The following KCNK2 variants were observed in gnomAD, a reference collection of about 807,000 sequenced individuals.
KCNK2 encodes potassium two pore domain channel subfamily K member 2.
A neutral mutation model predicts 40.5 loss-of-function variants in KCNK2; 21 were observed. The ratio of observed to expected loss-of-function variants is 0.52; its 90% CI spans 0.37 to 0.75. KCNK2 has a LOEUF of 0.75. KCNK2 is among the 30% of genes least tolerant of loss of function. The pLI is 0.00. For missense variants in KCNK2, 399 were observed against 531.6 expected, an observed-to-expected ratio of 0.75 and a Z score of 2.45; for synonymous variants, 191 against 202.2, an observed-to-expected ratio of 0.94 and a Z score of 0.47.
intron 1 of KCNK2, among the ~76,000 whole-genome samples, chr1:215,051,584 C>T (rs1376464388): frequency 6.6e-6 from 1 of 152,186 alleles, no homozygotes; most frequent in Non-Finnish European, 1.5e-5. Flanking sequence ...GATGACAGCC[C>T]TTATGACAAG....
chr1:215,070,449 GTT>G (rs1244877296), intron 1 of KCNK2, among the ~76,000 whole-genome samples: 2 of 148,254 alleles, frequency 1.3e-5, no homozygotes, highest in African/African-American at 2.5e-5. Context: ...AAGGAAAGAG[GTT>G]TAATGTTTAA....
intron 2 of KCNK2, among the ~76,000 whole-genome samples, chr1:215,097,494 T>A (rs1660030052): frequency 1.0e-5 from 1 of 100,086 alleles, no homozygotes; most frequent in African/African-American, 2.8e-5. Flanking sequence ...TGAATGTTAA[T>A]AAAGAAAAAT....
chr1:215,127,867 C>T (rs1026136290), intron 3 of KCNK2, among the ~76,000 whole-genome samples: 2 of 152,146 alleles, frequency 1.3e-5, no homozygotes, highest in East Asian at 1.9e-4. Flanking sequence ...CATATTGATA[C>T]CTGTGAGGCT....
intron 1 of KCNK2, among the ~76,000 whole-genome samples, chr1:215,062,605 G>A (rs1042232802): frequency 6.6e-6 from 1 of 150,996 alleles, no homozygotes; most frequent in Non-Finnish European, 1.5e-5. Context: ...CATTTCAGGT[G>A]TAGAGTTCTT....
intron 6 of KCNK2, among the ~76,000 whole-genome samples, chr1:215,226,871 T>G (rs940118761): frequency 6.6e-6 from 1 of 152,052 alleles, no homozygotes; most frequent in Admixed American, 6.6e-5. Context: ...TGCTGAGGAG[T>G]CTCTGCAATG....
chr1:215,019,239 A>T (rs1656702448), intron 1 of KCNK2, among the ~76,000 whole-genome samples: 1 of 152,238 alleles, frequency 6.6e-6, no homozygotes, highest in African/African-American at 2.4e-5. Flanking sequence ...AAGTTTTCTG[A>T]GCAGATAAAA....
intron 2 of KCNK2, among the ~76,000 whole-genome samples, chr1:215,112,117 T>C (rs917916531): frequency 8.5e-5 from 13 of 152,172 alleles, no homozygotes; most frequent in African/African-American, 3.1e-4. Flanking sequence ...TTAGGTCCTG[T>C]TAATGCTGTT....
At chr1:215,176,212 T>G (rs1461254445) in intron 5 of KCNK2, among the ~76,000 whole-genome samples, 1 of 152,176 alleles carries the variant, frequency 6.6e-6, no homozygotes, top group Admixed American at 6.6e-5. Context: ...TGATATCTCA[T>G]TGTGGTTTTG....
Position 215,092,557 on chromosome 1 carries a change from G to A in KCNK2, c.357+5879G>A, listed in dbSNP as rs368353743. Among the ~76,000 whole-genome samples the A allele has an allele frequency of 1.0e-3, 159 of 152,282 alleles. 1 individual carries two copies. The South Asian group carries it at 0.017, about 16-fold the overall frequency. Reference sequence around the variant, plus strand: ...GACAGCAAGGGGTCTGCAGAGGCCAGTGCCAGCTCCAGTGATACTTCCTCT... The same window carrying A: ...GACAGCAAGGGGTCTGCAGAGGCCAATGCCAGCTCCAGTGATACTTCCTCT... On this transcript the variant is annotated intron_variant, in intron 2 of 6. Coordinates refer to ENST00000444842, the MANE Select transcript of KCNK2 (RefSeq NM_001017425.3).
chr1:215,156,084 T>TAC (rs1432571986), intron 3 of KCNK2, among the ~76,000 whole-genome samples: 3 of 151,406 alleles, frequency 2.0e-5, no homozygotes, highest in African/African-American at 4.9e-5. Context: ...TGTGTGTGTA[T>TAC]ATATATATAT....
chr1:215,170,585 C>G lies in KCNK2; in HGVS notation c.636+1226C>G, dbSNP rs569911721. Among the ~76,000 whole-genome samples the G allele has an allele frequency of 6.3e-4, 96 of 152,158 alleles. 1 individual carries two copies. Among genetic ancestry groups the G allele is most frequent in the African/African-American group, 2.1e-3 (89 of 41,528 alleles). ...AATAAAATATCGAGTATTGTTTTCT[C>G]AATTTGGATTACAGTTCCAGTTTTA... is the stretch of plus-strand genomic sequence containing the variant. On this transcript the variant is annotated intron_variant, in intron 4 of 6. Coordinates refer to ENST00000444842, the MANE Select transcript of KCNK2 (RefSeq NM_001017425.3).
At position 215,169,338 on chromosome 1, in the gene KCNK2, C is replaced by G. The variant is rs527676350; in HGVS notation, c.615C>G (p.Ala205=). The G allele has an allele frequency of 6.2e-7, 1 of 1,611,576 alleles. No homozygotes were observed. Among genetic ancestry groups the G allele is most frequent in the African/African-American group, 1.3e-5 (1 of 74,910 alleles). ...GCACCATATTTGGAAAAGGAATTGC[C>G]AAAGTGGAAGATACGTTTATTGTGA... ...QLGTIFGKGI[A]KVEDTFIKWN... is the part of the protein sequence containing the mutation. Residue 205 remains alanine (A), a synonymous_variant, in exon 4 of 7, where the codon GCC becomes GCG. Transcript: ENST00000444842.
At chr1:215,014,943 G>A (rs2102473233) in intron 1 of KCNK2, among the ~76,000 whole-genome samples, 1 of 152,250 alleles carries the variant, frequency 6.6e-6, no homozygotes, top group South Asian at 2.1e-4. Context: ...ATTAGCTAAA[G>A]GGAGAGAGCT....
intron 6 of KCNK2, among the ~76,000 whole-genome samples, chr1:215,200,592 C>T (rs535404556): frequency 2.6e-5 from 4 of 152,192 alleles, no homozygotes; most frequent in African/African-American, 9.6e-5. Flanking sequence ...ATGATGTTAG[C>T]AACAGTGAGG....
chr1:215,097,151 G>A lies in KCNK2; in HGVS notation c.357+10473G>A, dbSNP rs183539518. Among the ~76,000 whole-genome samples, 373 of 151,996 alleles carry A rather than the reference G, an allele frequency of 2.5e-3. 2 individuals are homozygous for A. The highest frequency in any genetic ancestry group is 4.0e-3 in the Non-Finnish European group (272 of 67,930). On this transcript the variant is annotated intron_variant, in intron 2 of 6. Coordinates refer to ENST00000444842, the MANE Select transcript of KCNK2 (RefSeq NM_001017425.3). ...CTAAGAATAGTTCTCTTAGCTGGTGGATAATGGTAAAATTTAACCAATGAC... is the reference window on the plus strand; with the variant it reads ...CTAAGAATAGTTCTCTTAGCTGGTGAATAATGGTAAAATTTAACCAATGAC...
At chr1:215,140,610 C>A (rs1363035939) in intron 3 of KCNK2, among the ~76,000 whole-genome samples, 2 of 152,036 alleles carry the variant, frequency 1.3e-5, no homozygotes, top group African/African-American at 4.8e-5. Context: ...AGAAAAGATG[C>A]ACAAAATAAA....
At chr1:215,127,530 A>G (rs1661488494) in intron 3 of KCNK2, among the ~76,000 whole-genome samples, 1 of 152,126 alleles carries the variant, frequency 6.6e-6, no homozygotes, top group Non-Finnish European at 1.5e-5. Context: ...TTTAAATTAT[A>G]TACATACTTT....
intron 3 of KCNK2, among the ~76,000 whole-genome samples, chr1:215,134,799 C>T (rs939841327): frequency 6.6e-6 from 1 of 151,832 alleles, no homozygotes; most frequent in African/African-American, 2.4e-5. Flanking sequence ...GATCAAAGAC[C>T]GATTATTAGA....
At position 215,225,907 on chromosome 1, in the gene KCNK2, A is replaced by G. The variant is rs537538569; in HGVS notation, c.964-8921A>G. On this transcript the variant is annotated intron_variant, in intron 6 of 6. Transcript: ENST00000444842. ...TTGGCCACGTAGCTGACTGGAGTCA[A>G]TGGAGTAATAAATATTCCTTGTGGT... 5.9e-5 allele frequency among the ~76,000 whole-genome samples: 9 copies of G among 152,334 alleles called. 1 individual carries two copies. Among genetic ancestry groups the G allele is most frequent in the African/African-American group, 2.2e-4 (9 of 41,580 alleles).
Sources: gnomAD v4.1 joint callset for allele counts (sites outside exome capture counted in the v4.1 genomes callset) on GRCh38, gnomAD v4.1.1 for gene constraint, MANE v1.5 for transcripts, NCBI Gene and HGNC (gene_info 2026-07-23, HGNC 2026-07-21) for gene names.